MYO10: variants seen among roughly 807,000 people sequenced by gnomAD.
MYO10 encodes unconventional myosin-X.
In MYO10, 133 loss-of-function variants were observed where a neutral mutation model predicts 257.3. That is an observed-to-expected ratio of 0.52 (90% CI 0.45 to 0.60). The LOEUF (loss-of-function observed/expected upper bound fraction) is 0.60, where lower values mean the gene tolerates loss of function less well. Among genes scored for constraint, MYO10 ranks in the 20% least tolerant of loss-of-function variants. The pLI is 0.00. For synonymous variants in MYO10, 1,104 were observed against 1,028.6 expected, an observed-to-expected ratio of 1.07 and a Z score of -1.40; for missense variants, 2,399 against 2,635.7, an observed-to-expected ratio of 0.91 and a Z score of 1.97.
intron 2 of MYO10, among the ~76,000 whole-genome samples, chr5:16,845,631 ATGGTGAGACCC>A (rs1164389453): frequency 2.6e-5 from 4 of 152,158 alleles, no homozygotes; most frequent in Non-Finnish European, 5.9e-5. Context: ...ACTGGATGAC[ATGGTGAGACCC>A]TGTCTCTTGA....
chr5:16,835,820 A>G (rs1275492815), intron 2 of MYO10, among the ~76,000 whole-genome samples: 1 of 151,714 alleles, frequency 6.6e-6, no homozygotes, highest in Non-Finnish European at 1.5e-5. Context: ...TAAAAAAAAA[A>G]AAGACATTTT....
chr5:16,681,402 T>C lies in MYO10; in HGVS notation c.4291A>G (p.Ser1431Gly), dbSNP rs764759819. The change falls in exon 32 of 41, where the codon AGT becomes GGT. Residue 1431 changes from serine (S) to glycine (G), a missense_variant. By Grantham distance (56) the Ser-to-Gly change is moderately conservative (BLOSUM62 0). Around this residue, in one of 3 missense-constraint regions of MYO10, gnomAD observed 1,820 missense variants for 1,939.4 expected, o/e 0.94. Coordinates refer to ENST00000513610, the MANE Select transcript of MYO10 (RefSeq NM_012334.3). Reference protein sequence around the residue: ...LTHNSLDYYKSSEKNALKLGT... With the variant: ...LTHNSLDYYKGSEKNALKLGT... ...AGTTTGAGCGCGTTCTTCTCTGAAC[T>C]CTTGTAGTAATCCAGGGAATTGTGG... 1 of 1,614,014 alleles carries C rather than the reference T, an allele frequency of 6.2e-7. No homozygotes were observed. The highest frequency in any genetic ancestry group is 1.7e-5 in the Admixed American group (1 of 60,026).
chr5:16,784,943 G>A (rs955701263), intron 4 of MYO10, among the ~76,000 whole-genome samples: 1 of 152,106 alleles, frequency 6.6e-6, no homozygotes, highest in Non-Finnish European at 1.5e-5. Flanking sequence ...CCAGTGTCAC[G>A]ATTCCACAAA....
At position 16,673,676 on chromosome 5, in the gene MYO10, C is replaced by T. The variant is rs375905177; in HGVS notation, c.5172+6G>A. 1.1e-5 allele frequency: 18 copies of T among 1,611,992 alleles called. No individual in the cohort carries two copies. The African/African-American group carries it at 2.4e-4, about 22-fold the overall frequency. ...AACAGAACAAGCAGCAGCTGCCTCT[C>T]CTCACCTCCCCAGCGGTGGTGTGGG... On this transcript the variant is annotated splice_donor_region_variant and intron_variant, in intron 36 of 40. Transcript: ENST00000513610.
chr5:16,919,895 G>A (rs528989308), intron 1 of MYO10, among the ~76,000 whole-genome samples: 24 of 152,214 alleles, frequency 1.6e-4, no homozygotes, highest in Admixed American at 5.9e-4. Flanking sequence ...GGTGGATCAC[G>A]AGGTCAAGAG....
intron 3 of MYO10, among the ~76,000 whole-genome samples, chr5:16,797,763 A>G (rs1055549709): frequency 1.2e-4 from 19 of 152,282 alleles, no homozygotes; most frequent in Admixed American, 1.2e-3. Flanking sequence ...GGTGGTTGCT[A>G]AAAGCAGACA....
chr5:16,739,497 A>T (rs1739936037), intron 19 of MYO10, among the ~76,000 whole-genome samples: 1 of 152,194 alleles, frequency 6.6e-6, no homozygotes, highest in Non-Finnish European at 1.5e-5. Context: ...CATCAAAGTC[A>T]TAACAACGTG....
chr5:16,662,316 A>ATGTTTTT lies in MYO10; in HGVS notation c.*4375_*4376insAAAAACA, dbSNP rs1736012931. 1.3e-5 allele frequency: 1 copy of ATGTTTTT among 75,816 alleles called. No homozygotes were observed. Among genetic ancestry groups the ATGTTTTT allele is most frequent in the Non-Finnish European group, 2.4e-5 (1 of 42,540 alleles). 4.7% of individuals were successfully genotyped at this position (75,816 alleles called of 1,614,324 possible). On this transcript the variant is annotated 3_prime_UTR_variant, in exon 41 of 41. Transcript: ENST00000513610. The stretch of plus-strand genomic sequence containing the variant: ...AAGTGCTGTCTTAGATTTCTGAACT[A>ATGTTTTT]TTTTTTTTTTTTTTTTTTTTTTTTG...
At chr5:16,716,960 A>C (rs1738900880) in intron 19 of MYO10, among the ~76,000 whole-genome samples, 1 of 151,892 alleles carries the variant, frequency 6.6e-6, no homozygotes, top group South Asian at 2.1e-4. Flanking sequence ...GAGCCTCCCA[A>C]ATGGGTAGCT....
chr5:16,738,890 CAAAAAAA>C (rs36039787), intron 19 of MYO10, among the ~76,000 whole-genome samples: 6 of 74,228 alleles, frequency 8.1e-5, no homozygotes, highest in Non-Finnish European at 1.5e-4. Flanking sequence ...GACTCCATCT[CAAAAAAA>C]AAAAAAAAAA....
chr5:16,762,189 A>T, intron 15 of MYO10, 76 bp from the exon 16 acceptor site: 5 of 1,425,748 alleles, frequency 3.5e-6, no homozygotes, highest in Non-Finnish European at 4.6e-6. Context: ...ACTTCCAGAG[A>T]ACACTAAATA....
At chr5:16,672,968 T>G in intron 36 of MYO10, 143 bp from the exon 37 acceptor site, 1 of 890,090 alleles carries the variant, frequency 1.1e-6, no homozygotes, top group Non-Finnish European at 1.7e-6. Context: ...CGTGTGGTCA[T>G]CCCAGAATTT....
chr5:16,888,757 A>G (rs1580117729), intron 1 of MYO10, among the ~76,000 whole-genome samples: 2 of 151,922 alleles, frequency 1.3e-5, no homozygotes, highest in South Asian at 4.2e-4. Flanking sequence ...AAAAAAAAAA[A>G]GTAAAATTTG....
intron 19 of MYO10, among the ~76,000 whole-genome samples, chr5:16,714,779 T>C (rs1738775576): frequency 6.6e-6 from 1 of 152,082 alleles, no homozygotes. Context: ...GCCAAGATTG[T>C]GCCACTGCAC....
intron 19 of MYO10, among the ~76,000 whole-genome samples, chr5:16,726,641 G>A (rs986421278): frequency 1.3e-5 from 2 of 152,180 alleles, no homozygotes; most frequent in African/African-American, 4.8e-5. Context: ...AGGAAAGGGG[G>A]AGTTCCTGTA....
At position 16,883,458 on chromosome 5, in the gene MYO10, C is replaced by T. The variant is rs540332814; in HGVS notation, c.22-5751G>A. On this transcript the variant is annotated intron_variant, in intron 1 of 40. Transcript: ENST00000513610. Reference sequence around the variant, plus strand: ...GCTAACAGACCACGCAGGAGACTTGCCCAAGCTAATCTAAGGATGAGGTTG... The same window carrying T: ...GCTAACAGACCACGCAGGAGACTTGTCCAAGCTAATCTAAGGATGAGGTTG... 3.8e-3 allele frequency among the ~76,000 whole-genome samples: 579 copies of T among 152,282 alleles called. 4 individuals carry two copies. The highest frequency in any genetic ancestry group is 7.0e-3 in the Non-Finnish European group (476 of 68,026).
At chr5:16,862,299 C>G (rs1744129836) in intron 2 of MYO10, among the ~76,000 whole-genome samples, 1 of 152,168 alleles carries the variant, frequency 6.6e-6, no homozygotes, top group Non-Finnish European at 1.5e-5. Context: ...CTTTGCAGAC[C>G]AGCTGGATGA....
intron 27 of MYO10, among the ~76,000 whole-genome samples, chr5:16,691,635 G>A (rs1043119947): frequency 4.6e-5 from 7 of 151,160 alleles, no homozygotes; most frequent in African/African-American, 1.5e-4. Context: ...GGAGGCAGAG[G>A]TTGCAGTGAG....
chr5:16,865,828 T>TAATAATAATAATAAC (rs1310504538), intron 2 of MYO10, among the ~76,000 whole-genome samples: 25 of 150,806 alleles, frequency 1.7e-4, no homozygotes, highest in African/African-American at 5.6e-4. Context: ...ATAATAATAA[T>TAATAATAATAATAAC]AATAATAGTA....
Sources: allele counts gnomAD v4.1 joint callset (sites outside exome capture counted in the v4.1 genomes callset), GRCh38; gene constraint gnomAD v4.1.1; regional missense constraint gnomAD v4.1.1; transcripts MANE v1.5; gene names NCBI Gene and HGNC (gene_info 2026-07-23, HGNC 2026-07-21).